The following ANKRD18A variants were observed in gnomAD, a reference collection of about 807,000 sequenced individuals.
ANKRD18A encodes the protein ankyrin repeat domain-containing protein 18A.
ANKRD18A carries 72 observed loss-of-function variants against 110.6 expected under a neutral mutation model. The observed-to-expected ratio is 0.65, with a 90% CI of 0.54 to 0.79. The LOEUF (loss-of-function observed/expected upper bound fraction) is 0.79, where lower values mean the gene tolerates loss of function less well. ANKRD18A is among the 30% of genes least tolerant of loss of function. ANKRD18A has a pLI of 0.00. For synonymous variants in ANKRD18A, 305 were observed against 410.3 expected (o/e 0.74, Z 3.10); for missense variants, 934 against 1,163.3 (o/e 0.80, Z 2.87).
intron 8 of ANKRD18A, among the ~76,000 whole-genome samples, chr9:38,600,363 G>A (rs1426262716): frequency 6.6e-6 from 1 of 152,104 alleles, no homozygotes; most frequent in African/African-American, 2.4e-5. Context: ...ATTATTAGAA[G>A]CCAAAATGAA....
rs2027241 is a variant in ANKRD18A at position 38,578,156 on chromosome 9, A to G, written c.2248-8T>C. The G allele has an allele frequency of 0.049, 75,237 of 1,535,534 alleles. 2,854 individuals carry two copies. Among genetic ancestry groups the G allele is most frequent in the African/African-American group, 0.2 (14,145 of 71,742 alleles). ...GGCCACAAGATCATTAAACTGCATT[A>G]AGAAAATAATAGAGCTTGATAATGA... On this transcript the variant is annotated splice_region_variant and splice_polypyrimidine_tract_variant and intron_variant, in intron 12 of 15. Transcript: ENST00000399703.
At chr9:38,612,956 A>G (rs1825699605) in intron 3 of ANKRD18A, among the ~76,000 whole-genome samples, 1 of 151,700 alleles carries the variant, frequency 6.6e-6, no homozygotes, top group Admixed American at 6.6e-5. Flanking sequence ...TGTGGTATAG[A>G]TATAAAAAAA....
downstream of ANKRD18A, chr9:38,568,847 G>C (rs1823541398): frequency 1.0e-6 from 1 of 985,412 alleles, no homozygotes; most frequent in East Asian, 1.1e-4. Context: ...AGGCCCAACT[G>C]GGCCAGGACC....
intron 8 of ANKRD18A, among the ~76,000 whole-genome samples, chr9:38,596,943 T>C (rs1255594065): frequency 6.6e-6 from 1 of 152,208 alleles, no homozygotes; most frequent in African/African-American, 2.4e-5. Context: ...GACATTGTAC[T>C]AAGCACTTCT....
At chr9:38,593,635 A>AATGGTAATGATCAATT in intron 10 of ANKRD18A, 125 bp downstream of exon 10, 1 of 1,023,270 alleles carries the variant, frequency 9.8e-7, no homozygotes. Context: ...AAGATAATAA[A>AATGGTAATGATCAATT]ATGGTAATGA....
In ANKRD18A at chr9:38,577,237, C is replaced by G. The variant is rs1387688108; in HGVS notation, c.2557G>C (p.Glu853Gln). The G allele has an allele frequency of 6.5e-7, 1 of 1,534,514 alleles. No homozygotes were observed. The highest frequency in any genetic ancestry group is 1.4e-5 in the African/African-American group (1 of 71,984). Residue 853 changes from glutamate (E) to glutamine (Q), a missense_variant, in exon 14 of 16, where the codon GAG (glutamate) becomes CAG (glutamine). Coordinates refer to ENST00000399703, the MANE Select transcript of ANKRD18A (RefSeq NM_147195.4). ...GCCGTATTATCCTTGTTTAACTGCT[C>G]TAATTGTTTTTCATATTCTGCTTGT... ...QKQAEYEKQL[E>Q]QLNKDNTASL...
intron 9 of ANKRD18A, among the ~76,000 whole-genome samples, chr9:38,595,096 G>A (rs1001571004): frequency 1.3e-5 from 2 of 152,090 alleles, no homozygotes; most frequent in Admixed American, 1.3e-4. Flanking sequence ...AAACAGCTTT[G>A]TTGAAATATG....
chr9:38,616,940 C>A (rs1254536655), intron 1 of ANKRD18A, among the ~76,000 whole-genome samples: 1 of 152,042 alleles, frequency 6.6e-6, no homozygotes, highest in East Asian at 1.9e-4. Context: ...ATTTAAAAAT[C>A]ATCTTATTAA....
At chr9:38,612,637 C>T (rs1204117888) in intron 3 of ANKRD18A, among the ~76,000 whole-genome samples, 1 of 151,338 alleles carries the variant, frequency 6.6e-6, no homozygotes, top group Non-Finnish European at 1.5e-5. Flanking sequence ...CCTGCCTCAG[C>T]CTCCCAAGTA....
At chr9:38,586,668 G>T (rs1019130087) in intron 11 of ANKRD18A, among the ~76,000 whole-genome samples, 10 of 152,084 alleles carry the variant, frequency 6.6e-5, no homozygotes, top group African/African-American at 2.4e-4. Flanking sequence ...GGACTCAAGT[G>T]ATTCTCCTGC....
At position 38,620,371 on chromosome 9, in the gene ANKRD18A, C is replaced by A; in HGVS notation, c.-86G>T. ...TTCCACCCCCACTCCGCCCCAAATC[C>A]GCGATCTCCCCCGCAACCCGCGATC... is the stretch of plus-strand genomic sequence containing the variant. On this transcript the variant is annotated 5_prime_UTR_variant, in exon 1 of 16. Coordinates refer to ENST00000399703, the MANE Select transcript of ANKRD18A (RefSeq NM_147195.4). The A allele has an allele frequency of 4.2e-6, 3 of 717,172 alleles. No homozygotes were observed. The South Asian group carries it at 7.1e-5, about 17-fold the overall frequency. 44.4% of individuals were successfully genotyped at this position (717,172 alleles called of 1,614,324 possible).
intron 8 of ANKRD18A, among the ~76,000 whole-genome samples, chr9:38,596,651 A>C (rs138769009): frequency 6.6e-6 from 1 of 152,176 alleles, no homozygotes; most frequent in Non-Finnish European, 1.5e-5. Context: ...AATTTTTAAG[A>C]ATATCAGAAT....
At chr9:38,590,147 T>TTTTC (rs749214651) in intron 10 of ANKRD18A, among the ~76,000 whole-genome samples, 18 of 152,002 alleles carry the variant, frequency 1.2e-4, no homozygotes, top group African/African-American at 2.2e-4. Flanking sequence ...TGTCCTTTCT[T>TTTTC]TTTCTTTCTT....
At chr9:38,610,946 C>T (rs621015) in intron 4 of ANKRD18A, among the ~76,000 whole-genome samples, 1 of 150,750 alleles carries the variant, frequency 6.6e-6, no homozygotes, top group Non-Finnish European at 1.5e-5. Flanking sequence ...AAAATACAAA[C>T]CCCCTTTAGC....
At chr9:38,571,107 C>T (rs1823624616), downstream of ANKRD18A, 2 of 1,522,794 alleles carry the variant, frequency 1.3e-6, no homozygotes, top group Non-Finnish European at 1.8e-6. Flanking sequence ...AGGCCCTTTG[C>T]TAGTTTCTTG....
chr9:38,607,480 T>A lies in ANKRD18A; in HGVS notation c.754A>T (p.Ile252Phe). 1.3e-6 allele frequency: 2 copies of A among 1,501,188 alleles called. No homozygotes were observed. Among genetic ancestry groups the A allele is most frequent in the Non-Finnish European group, 1.8e-6 (2 of 1,121,676 alleles). The allele number at this position is 1,501,188 out of a possible 1,614,324, so 93.0% of individuals were successfully genotyped here. ...AGCATTTTATTTTTATGTTCCAAAA[T>A]TTGTTGTCGGATGCTATGCATAATA... Reference protein sequence around the residue: ...CSDLRSIRQQILEHKNKMLKN... With the variant: ...CSDLRSIRQQFLEHKNKMLKN... The change falls in exon 6 of 16, where the codon ATT becomes TTT. Residue 252 changes from isoleucine to phenylalanine, a missense_variant. By Grantham distance (21) the Ile-to-Phe change is conservative. This residue lies in a region of ANKRD18A where 630 missense variants were observed against 797.5 expected (regional missense o/e 0.79). Coordinates refer to ENST00000399703, the MANE Select transcript of ANKRD18A (RefSeq NM_147195.4).
At chr9:38,581,535 T>C (rs1824163688) in intron 12 of ANKRD18A, among the ~76,000 whole-genome samples, 1 of 152,150 alleles carries the variant, frequency 6.6e-6, no homozygotes, top group Admixed American at 6.5e-5. Flanking sequence ...TTAATCAATC[T>C]AGTATTCGAT....
intron 9 of ANKRD18A, 68 bp downstream of exon 9, chr9:38,595,418 T>C (rs1307915642): frequency 7.5e-7 from 1 of 1,328,766 alleles, no homozygotes; most frequent in Admixed American, 3.2e-5. Flanking sequence ...TGAACTAGGT[T>C]CAACATATAG....
chr9:38,587,788 T>C lies in ANKRD18A; in HGVS notation c.2117+763A>G, dbSNP rs531869881. 9.8e-5 allele frequency among the ~76,000 whole-genome samples: 15 copies of C among 152,322 alleles called. 1 individual carries two copies. The highest frequency in any genetic ancestry group is 3.6e-4 in the African/African-American group (15 of 41,584). The stretch of plus-strand genomic sequence containing the variant: ...ACATTACATGTCCAAAGCATTGTCA[T>C]TATTGTTTTCAAAATCATTAAAGAA... On this transcript the variant is annotated intron_variant, in intron 11 of 15. Transcript: ENST00000399703.
Sources: gnomAD v4.1 joint callset for allele counts (sites outside exome capture counted in the v4.1 genomes callset) on GRCh38, gnomAD v4.1.1 for gene constraint, gnomAD v4.1.1 regional missense constraint, MANE v1.5 for transcripts, NCBI Gene and HGNC (gene_info 2026-07-23, HGNC 2026-07-21) for gene names.